LARGE1: variants seen among roughly 807,000 people sequenced by gnomAD.
The protein encoded by LARGE1 is LARGE xylosyl- and glucuronyltransferase 1, also known as xylosyl- and glucuronyltransferase LARGE1.
LARGE1 carries 43 observed loss-of-function variants against 87.6 expected under a neutral mutation model. The ratio of observed to expected loss-of-function variants is 0.49; its 90% CI spans 0.38 to 0.63. LARGE1 has a LOEUF of 0.63. Ranked by LOEUF, LARGE1 falls within the 30% of genes least tolerant of loss-of-function variation. LARGE1 has a pLI of 0.00. For missense variants in LARGE1, 802 were observed against 1,000.2 expected (o/e 0.80, Z 2.67); for synonymous variants, 434 against 394.6 (o/e 1.10, Z -1.18).
At chr22:33,909,855 C>G (rs2146954007) in intron 1 of LARGE1, among the ~76,000 whole-genome samples, 1 of 152,272 alleles carries the variant, frequency 6.6e-6, no homozygotes, top group South Asian at 2.1e-4. Context: ...CCAACTTCAT[C>G]TGCAACTCCT....
intron 1 of LARGE1, among the ~76,000 whole-genome samples, chr22:33,821,436 G>T (rs935811819): frequency 6.6e-6 from 1 of 152,136 alleles, no homozygotes; most frequent in African/African-American, 2.4e-5. Context: ...CAGAGGCCAT[G>T]ACTTACACTT....
chr22:33,817,485 C>T (rs751551922), intron 1 of LARGE1, among the ~76,000 whole-genome samples: 3 of 152,152 alleles, frequency 2.0e-5, no homozygotes, highest in Non-Finnish European at 4.4e-5. Flanking sequence ...GCAGACCCCA[C>T]AACCTTCATG....
chr22:33,787,358 C>T (rs375719122), intron 1 of LARGE1, among the ~76,000 whole-genome samples: 49 of 152,274 alleles, frequency 3.2e-4, no homozygotes, highest in African/African-American at 8.9e-4. Flanking sequence ...ATTTTCCCTA[C>T]GCTCCTCCTA....
intron 6 of LARGE1, among the ~76,000 whole-genome samples, chr22:33,502,959 CATTT>C (rs1367497158): frequency 3.3e-5 from 5 of 152,294 alleles, no homozygotes; most frequent in East Asian, 3.9e-4. Context: ...CACATCCATT[CATTT>C]GTCTGATACA....
At chr22:33,579,426 G>A (rs764581708) in intron 5 of LARGE1, among the ~76,000 whole-genome samples, 2 of 152,162 alleles carry the variant, frequency 1.3e-5, no homozygotes, top group Non-Finnish European at 2.9e-5. Context: ...ATCTTTATCA[G>A]CACCATGAAA....
Position 33,680,897 on chromosome 22 carries a change from T to C in LARGE1, c.107-30229A>G, listed in dbSNP as rs116501954. Among the ~76,000 whole-genome samples, 1,222 of 152,304 alleles carry C rather than the reference T, an allele frequency of 8.0e-3. 18 individuals are homozygous for C. The highest frequency in any genetic ancestry group is 0.027 in the African/African-American group (1,142 of 41,568). On this transcript the variant is annotated intron_variant, in intron 2 of 14. Coordinates refer to ENST00000397394, the MANE Select transcript of LARGE1 (RefSeq NM_133642.5). ...AAATTGAAGTGCTCTTTGTGTTAAA[T>C]GTGACAACCATCACACTTGAAATCC...
At chr22:33,901,808 A>G (rs2065289969) in intron 1 of LARGE1, among the ~76,000 whole-genome samples, 1 of 152,248 alleles carries the variant, frequency 6.6e-6, no homozygotes, top group Admixed American at 6.5e-5. Context: ...CTTTAACCAC[A>G]TCGTATAGCA....
chr22:33,097,765 T>C, the LARGE1 span, among the ~76,000 whole-genome samples: 7 of 152,204 alleles, frequency 4.6e-5, no homozygotes, highest in African/African-American at 1.7e-4. Flanking sequence ...CTTTTCCTGA[T>C]TGTCAGTTTC....
At chr22:33,255,597 A>T (rs1469730405) in intron 11 of LARGE1, among the ~76,000 whole-genome samples, 1 of 152,196 alleles carries the variant, frequency 6.6e-6, no homozygotes, top group Admixed American at 6.5e-5. Flanking sequence ...GTTGCTTGAG[A>T]TTCACAACAA....
intron 11 of LARGE1, among the ~76,000 whole-genome samples, chr22:33,243,309 A>G (rs1415499023): frequency 1.3e-5 from 2 of 152,230 alleles, no homozygotes; most frequent in Non-Finnish European, 2.9e-5. Flanking sequence ...ACACATGTAC[A>G]CATCTATTTA....
At chr22:33,222,304 G>C (rs992607572) in intron 11 of LARGE1, among the ~76,000 whole-genome samples, 1 of 152,182 alleles carries the variant, frequency 6.6e-6, no homozygotes, top group Non-Finnish European at 1.5e-5. Context: ...GAGGGGTCTA[G>C]AAGGGAGGGT....
chr22:33,391,848 C>A (rs1251888575), intron 7 of LARGE1, among the ~76,000 whole-genome samples: 1 of 148,426 alleles, frequency 6.7e-6, no homozygotes, highest in Non-Finnish European at 1.5e-5. Flanking sequence ...CGGCTCACTG[C>A]AACCTCTGCC....
intron 6 of LARGE1, among the ~76,000 whole-genome samples, chr22:33,472,726 T>A (rs1050125409): frequency 3.3e-5 from 5 of 152,226 alleles, no homozygotes; most frequent in Non-Finnish European, 5.9e-5. Flanking sequence ...CTCTGAGTGT[T>A]TCTGCACATT....
In LARGE1 at chr22:33,793,018, G is replaced by A. The variant is rs774843739; in HGVS notation, c.-82-31460C>T. Among the ~76,000 whole-genome samples the A allele has an allele frequency of 2.0e-5, 3 of 152,182 alleles. No individual in the cohort carries two copies. The East Asian group carries it at 5.8e-4, about 29-fold the overall frequency. On this transcript the variant is annotated intron_variant, in intron 1 of 14. Coordinates refer to ENST00000397394, the MANE Select transcript of LARGE1 (RefSeq NM_133642.5). ...ACCCAAACAGCGAAAGCTGCTGAGCGTGCCCAGAGGAGGAGACGGAGGCAG... is the reference window on the plus strand; with the variant it reads ...ACCCAAACAGCGAAAGCTGCTGAGCATGCCCAGAGGAGGAGACGGAGGCAG...
intron 12 of LARGE1, among the ~76,000 whole-genome samples, chr22:33,299,624 G>C (rs886544675): frequency 1.3e-5 from 2 of 152,206 alleles, no homozygotes; most frequent in Non-Finnish European, 2.9e-5. Flanking sequence ...AATAGGCCAA[G>C]GGGCAGAAAA....
intron 1 of LARGE1, among the ~76,000 whole-genome samples, chr22:33,909,080 G>A (rs980781736): frequency 6.6e-5 from 10 of 152,118 alleles, no homozygotes; most frequent in Admixed American, 2.6e-4. Flanking sequence ...GAGAGGCCCC[G>A]AAAAGTGTAT....
At chr22:33,411,684 A>G (rs7286500) in intron 7 of LARGE1, among the ~76,000 whole-genome samples, 4,696 of 152,288 alleles carry the variant, frequency 0.031, 231 homozygotes, top group African/African-American at 0.11. Flanking sequence ...GGTAATGAGA[A>G]TATCTATGTA....
the LARGE1 span, among the ~76,000 whole-genome samples, chr22:33,124,386 G>GGA: frequency 1.5e-4 from 9 of 61,560 alleles, no homozygotes; most frequent in Non-Finnish European, 2.5e-4. Context: ...GGAAGGAAGG[G>GGA]AGGAAGGAAA....
chr22:33,894,807 T>C (rs2065090577), intron 1 of LARGE1, among the ~76,000 whole-genome samples: 1 of 152,074 alleles, frequency 6.6e-6, no homozygotes, highest in African/African-American at 2.4e-5. Flanking sequence ...CATCAGGCTG[T>C]TGGGAAAACA....
Sources: allele counts gnomAD v4.1 joint callset (sites outside exome capture counted in the v4.1 genomes callset), GRCh38; gene constraint gnomAD v4.1.1; transcripts MANE v1.5; gene names NCBI Gene and HGNC (gene_info 2026-07-23, HGNC 2026-07-21).